Variants in ARAP2 observed in about 807,000 individuals in gnomAD.
ARAP2 encodes the protein ArfGAP with RhoGAP domain, ankyrin repeat and PH domain 2.
In ARAP2, 148 loss-of-function variants were observed where a neutral mutation model predicts 194.5. That is an observed-to-expected ratio of 0.76 (90% CI 0.67 to 0.87). The LOEUF (loss-of-function observed/expected upper bound fraction) is 0.87, where lower values mean the gene tolerates loss of function less well. Among genes scored for constraint, ARAP2 ranks in the 40% least tolerant of loss-of-function variants. The probability of loss-of-function intolerance (pLI) is 0.00; values close to 1 mark genes in which losing one functional copy is unlikely to be tolerated. For synonymous variants in ARAP2, 695 were observed against 683.5 expected (o/e 1.02, Z -0.26); for missense variants, 2,128 against 1,989.7 (o/e 1.07, Z -1.32).
chr4:36,118,478 CTT>C (rs1253177195), intron 24 of ARAP2, among the ~76,000 whole-genome samples: 2 of 151,248 alleles, frequency 1.3e-5, no homozygotes, highest in Non-Finnish European at 3.0e-5. Flanking sequence ...TTCCCAGACT[CTT>C]TTACTTATCT....
intron 1 of ARAP2, chr4:36,243,540 A>G (rs1421046847): frequency 6.6e-6 from 1 of 152,160 alleles, no homozygotes; most frequent in Non-Finnish European, 1.5e-5. Context: ...AAATCAAAAT[A>G]ACTCCAGATC....
intron 9 of ARAP2, among the ~76,000 whole-genome samples, chr4:36,007,976 C>T (rs1713653345): frequency 6.6e-6 from 1 of 151,860 alleles, no homozygotes; most frequent in Non-Finnish European, 1.5e-5. Flanking sequence ...CCTAGAAATA[C>T]AGATAACCAA....
chr4:36,161,614 TGAAA>T (rs1733972370), intron 11 of ARAP2, 64 bp from the exon 12 acceptor site: 1 of 1,333,080 alleles, frequency 7.5e-7, no homozygotes, highest in East Asian at 2.3e-5. Flanking sequence ...TACCTTGTTT[TGAAA>T]GAAAGTGCAT....
chr4:36,095,106 GAAA>G (rs1714810013), intron 27 of ARAP2, among the ~76,000 whole-genome samples: 1 of 152,084 alleles, frequency 6.6e-6, no homozygotes, highest in South Asian at 2.1e-4. Context: ...TCCTTCCCAG[GAAA>G]ACTCTGGCTT....
intron 3 of ARAP2, among the ~76,000 whole-genome samples, chr4:36,050,683 C>T (rs927603340): frequency 1.3e-5 from 2 of 152,116 alleles, no homozygotes; most frequent in Non-Finnish European, 2.9e-5. Flanking sequence ...CATTTCATTG[C>T]TCAAGTGGAA....
chr4:36,155,062 C>T (rs763070869), intron 15 of ARAP2, among the ~76,000 whole-genome samples: 1 of 152,176 alleles, frequency 6.6e-6, no homozygotes, highest in Non-Finnish European at 1.5e-5. Flanking sequence ...TTTTTATCCA[C>T]AGATCAAAAC....
At chr4:36,186,274 A>G (rs2109886710) in intron 8 of ARAP2, among the ~76,000 whole-genome samples, 1 of 152,336 alleles carries the variant, frequency 6.6e-6, no homozygotes. Context: ...ATAGTCAAAT[A>G]AAATACACAA....
chr4:36,091,819 G>A, intron 28 of ARAP2, 62 bp downstream of exon 28: 3 of 1,486,060 alleles, frequency 2.0e-6, no homozygotes, highest in Non-Finnish European at 2.7e-6. Flanking sequence ...GCTGACAGTA[G>A]CATAAAATAC....
At position 36,229,390 on chromosome 4, in the gene ARAP2, T is replaced by C; in HGVS notation, c.97A>G (p.Thr33Ala). 1 of 1,614,026 alleles carries C rather than the reference T, an allele frequency of 6.2e-7. No individual in the cohort carries two copies. Among genetic ancestry groups the C allele is most frequent in the Non-Finnish European group, 8.5e-7 (1 of 1,179,952 alleles). ...YLLHFHESGF[T>A]TVKDCAAIND... Reference sequence around the variant, plus strand: ...ATTGCTGCACAGTCCTTCACAGTAGTAAAACCAGACTCATGGAAATGTAAG... The same window carrying C: ...ATTGCTGCACAGTCCTTCACAGTAGCAAAACCAGACTCATGGAAATGTAAG... The change falls in exon 2 of 33, where the codon ACT becomes GCT. Residue 33 changes from threonine (T) to alanine (A), a missense_variant. Transcript: ENST00000303965.
Position 36,164,998 on chromosome 4 carries a change from T to C in ARAP2, c.2089A>G (p.Asn697Asp). ...VAEKIWFNESNRSCADCKAPD... is the reference protein window; with the variant it reads ...VAEKIWFNESDRSCADCKAPD... The stretch of plus-strand genomic sequence containing the variant: ...GCTTTACAATCTGCACAGCTCCTGT[T>C]GGATTCATTGAACCAAATCTTCTCA... Residue 697 changes from asparagine (N) to aspartate (D), a missense_variant, in exon 11 of 33, where the codon AAC becomes GAC. Transcript: ENST00000303965. The C allele has an allele frequency of 6.2e-7, 1 of 1,614,158 alleles. No individual in the cohort carries two copies. The highest frequency in any genetic ancestry group is 8.5e-7 in the Non-Finnish European group (1 of 1,179,976).
intron 5 of ARAP2, among the ~76,000 whole-genome samples, chr4:36,027,244 A>T (rs535428349): frequency 0.015 from 2,298 of 152,250 alleles, 47 homozygotes; most frequent in African/African-American, 0.05. Context: ...CTCTATTTAA[A>T]GATGAGTAAA....
chr4:36,065,172 C>T (rs780122118), downstream of ARAP2: 39 of 321,944 alleles, frequency 1.2e-4, no homozygotes, highest in Non-Finnish European at 2.5e-4. Context: ...TTCTTACACA[C>T]GGGCTTCATG....
chr4:36,065,134 C>A (rs1725188210), downstream of ARAP2: 2 of 286,436 alleles, frequency 7.0e-6, no homozygotes, highest in South Asian at 3.8e-5. Flanking sequence ...ATGACTTCTT[C>A]AGCCTCTTCT....
chr4:36,176,593 AT>A (rs1737975698), intron 9 of ARAP2, among the ~76,000 whole-genome samples: 1 of 152,118 alleles, frequency 6.6e-6, no homozygotes, highest in African/African-American at 2.4e-5. Context: ...CAAATTATGT[AT>A]TTTTAACCTC....
chr4:36,079,928 C>T (rs1729119989), intron 31 of ARAP2, among the ~76,000 whole-genome samples: 1 of 152,128 alleles, frequency 6.6e-6, no homozygotes, highest in African/African-American at 2.4e-5. Flanking sequence ...AAAAGTCCCT[C>T]TTTCTTACAC....
chr4:36,183,648 G>C (rs549649733), intron 8 of ARAP2, among the ~76,000 whole-genome samples: 3 of 152,354 alleles, frequency 2.0e-5, no homozygotes, highest in Non-Finnish European at 2.9e-5. Flanking sequence ...ACGAATTCCA[G>C]TGACTCTGCT....
intron 5 of ARAP2, among the ~76,000 whole-genome samples, chr4:36,023,695 G>A (rs550174518): frequency 4.6e-5 from 7 of 152,222 alleles, no homozygotes; most frequent in African/African-American, 1.7e-4. Flanking sequence ...CAGTGAACTC[G>A]ACAACATGCA....
chr4:36,143,894 AATTTC>A (rs1243620553), intron 19 of ARAP2, among the ~76,000 whole-genome samples: 16 of 151,858 alleles, frequency 1.1e-4, no homozygotes, highest in Admixed American at 2.0e-4. Context: ...ATTATTTTGG[AATTTC>A]ATTAGTTTTC....
chr4:36,130,078 C>T (rs1725047737), intron 20 of ARAP2, among the ~76,000 whole-genome samples: 1 of 151,942 alleles, frequency 6.6e-6, no homozygotes, highest in Non-Finnish European at 1.5e-5. Flanking sequence ...GATTCTTCAT[C>T]ATGATCTCAC....
Sources: allele counts gnomAD v4.1 joint callset (sites outside exome capture counted in the v4.1 genomes callset), GRCh38; gene constraint gnomAD v4.1.1; transcripts MANE v1.5; gene names NCBI Gene and HGNC (gene_info 2026-07-23, HGNC 2026-07-21).